SV2C: variants seen among roughly 807,000 people sequenced by gnomAD.
SV2C encodes synaptic vesicle glycoprotein 2C, also known as solute carrier family 22 member B3.
A neutral mutation model predicts 79.7 loss-of-function variants in SV2C; 49 were observed. The ratio of observed to expected loss-of-function variants is 0.61; its 90% CI spans 0.49 to 0.78. The LOEUF (loss-of-function observed/expected upper bound fraction) is 0.78, where lower values mean the gene tolerates loss of function less well. Among genes scored for constraint, SV2C ranks in the 30% least tolerant of loss-of-function variants. The pLI, the probability that SV2C is intolerant of heterozygous loss-of-function variation, is 0.00. For missense variants in SV2C, 833 were observed against 912.9 expected, an observed-to-expected ratio of 0.91 and a Z score of 1.13; for synonymous variants, 334 against 333.2, an observed-to-expected ratio of 1.00 and a Z score of -0.03.
the SV2C span, among the ~76,000 whole-genome samples, chr5:75,901,804 C>T: frequency 2.0e-5 from 3 of 152,340 alleles, no homozygotes; most frequent in South Asian, 2.1e-4. Context: ...AGGTGCCCCT[C>T]CCCCAGCCTT....
chr5:76,150,761 C>T (rs1312370603), intron 2 of SV2C, among the ~76,000 whole-genome samples: 3 of 150,290 alleles, frequency 2.0e-5, no homozygotes, highest in Non-Finnish European at 4.4e-5. Context: ...CCTCAGCCTC[C>T]TGAGTAGCTG....
chr5:76,095,994 T>C (rs1747543678), intron 1 of SV2C, among the ~76,000 whole-genome samples: 1 of 152,206 alleles, frequency 6.6e-6, no homozygotes, highest in Admixed American at 6.6e-5. Context: ...TTGTGAAAAC[T>C]ATCGGTCTTA....
chr5:76,017,187 C>T, the SV2C span, among the ~76,000 whole-genome samples: 1 of 152,174 alleles, frequency 6.6e-6, no homozygotes, highest in African/African-American at 2.4e-5. Flanking sequence ...TACTTTTCTA[C>T]AGAATATGTA....
At chr5:75,999,883 G>A in the SV2C span, among the ~76,000 whole-genome samples, 215 of 152,224 alleles carry the variant, frequency 1.4e-3, 1 homozygote, top group Middle Eastern at 0.014. Context: ...TGAGTCTCAC[G>A]TGGAGGAAGA....
At chr5:76,220,119 C>A (rs902444878) in intron 4 of SV2C, among the ~76,000 whole-genome samples, 2 of 152,176 alleles carry the variant, frequency 1.3e-5, no homozygotes, top group East Asian at 1.9e-4. Context: ...GCCCACAGAC[C>A]TCTTCCCAAA....
chr5:76,077,273 G>A, the SV2C span, among the ~76,000 whole-genome samples: 1 of 151,990 alleles, frequency 6.6e-6, no homozygotes, highest in African/African-American at 2.4e-5. Context: ...ATAGCATAAC[G>A]GGAACGAAAT....
In SV2C at chr5:76,325,352, T is replaced by C; in HGVS notation, c.2001-12T>C. The C allele has an allele frequency of 6.2e-7, 1 of 1,613,834 alleles. No homozygotes were observed. The highest frequency in any genetic ancestry group is 8.5e-7 in the Non-Finnish European group (1 of 1,179,834). ...ATTTTCTCAACCTTGTTCATGTCTC[T>C]TTCCTTTGCAGGGCAACAGGCTTTG... is the stretch of plus-strand genomic sequence containing the variant. On this transcript the variant is annotated splice_polypyrimidine_tract_variant and intron_variant, in intron 12 of 12. Coordinates refer to ENST00000502798, the MANE Select transcript of SV2C (RefSeq NM_014979.4).
At chr5:76,170,607 C>CA (rs1222240845) in intron 2 of SV2C, among the ~76,000 whole-genome samples, 1 of 141,316 alleles carries the variant, frequency 7.1e-6, no homozygotes, top group Admixed American at 7.1e-5. Context: ...CCTATGTAAA[C>CA]AAAAAAAGGA....
the SV2C span, chr5:75,910,965 C>T: frequency 1.4e-5 from 13 of 911,938 alleles, no homozygotes; most frequent in Middle Eastern, 6.7e-4. Context: ...GTCATTTATC[C>T]CCCAGTTCGA....
At chr5:76,321,804 A>G (rs1748838712) in intron 12 of SV2C, among the ~76,000 whole-genome samples, 1 of 152,114 alleles carries the variant, frequency 6.6e-6, no homozygotes, top group Non-Finnish European at 1.5e-5. Context: ...CATGTGTACT[A>G]AAGATAATAA....
At position 76,132,042 on chromosome 5, in the gene SV2C, A is replaced by C. The variant is rs1748911878; in HGVS notation, c.292A>C (p.Ser98Arg). ...TGAGGGGGAGTATCAGGGCATCCCC[A>C]GTATGAACCAAGCGAAGGACAGCAT... ...IYEGEYQGIPSMNQAKDSIVS... is the reference protein window; with the variant it reads ...IYEGEYQGIPRMNQAKDSIVS... The change falls in exon 2 of 13, where the codon AGT becomes CGT. Residue 98 changes from serine to arginine, a missense_variant. By Grantham distance (110) the Ser-to-Arg change is moderately radical. Coordinates refer to ENST00000502798, the MANE Select transcript of SV2C (RefSeq NM_014979.4). The C allele has an allele frequency of 6.2e-7, 1 of 1,612,086 alleles. No homozygotes were observed. Among genetic ancestry groups the C allele is most frequent in the South Asian group, 1.1e-5 (1 of 90,758 alleles).
At chr5:76,069,493 C>T in the SV2C span, among the ~76,000 whole-genome samples, 5 of 152,180 alleles carry the variant, frequency 3.3e-5, no homozygotes, top group Middle Eastern at 3.2e-3. Flanking sequence ...AGGGCCCCTC[C>T]GCTCAGGCCT....
At chr5:76,251,154 A>G (rs183578641) in intron 4 of SV2C, among the ~76,000 whole-genome samples, 5 of 152,266 alleles carry the variant, frequency 3.3e-5, no homozygotes, top group African/African-American at 4.8e-5. Flanking sequence ...TATTCTGAGA[A>G]ACATTGTAGG....
intron 2 of SV2C, among the ~76,000 whole-genome samples, chr5:76,142,608 A>C (rs1749290835): frequency 6.6e-6 from 1 of 152,192 alleles, no homozygotes; most frequent in Non-Finnish European, 1.5e-5. Flanking sequence ...TCCTTTGCTT[A>C]TTATATGAAA....
At chr5:76,264,509 A>T (rs1746581279) in intron 4 of SV2C, among the ~76,000 whole-genome samples, 1 of 152,070 alleles carries the variant, frequency 6.6e-6, no homozygotes, top group Admixed American at 6.5e-5. Context: ...GAAGGATAAG[A>T]GGCATTCTGG....
chr5:75,982,408 A>G, the SV2C span, among the ~76,000 whole-genome samples: 5 of 152,150 alleles, frequency 3.3e-5, no homozygotes, highest in East Asian at 1.9e-4. Flanking sequence ...CAAAACCACA[A>G]TGAGATACCA....
At chr5:76,201,017 A>G (rs755899550) in intron 3 of SV2C, among the ~76,000 whole-genome samples, 1 of 152,212 alleles carries the variant, frequency 6.6e-6, no homozygotes, top group East Asian at 1.9e-4. Context: ...CTCTTAATTC[A>G]TCAAACCAAG....
chr5:75,906,397 A>T, the SV2C span, among the ~76,000 whole-genome samples: 3 of 150,740 alleles, frequency 2.0e-5, no homozygotes, highest in Non-Finnish European at 4.4e-5. Flanking sequence ...GTTGATCAAG[A>T]TGTATCCAAG....
the SV2C span, among the ~76,000 whole-genome samples, chr5:75,927,629 A>T: frequency 4.6e-5 from 7 of 152,200 alleles, no homozygotes; most frequent in African/African-American, 1.7e-4. Context: ...TAAATGGAAG[A>T]GGATAATCTC....
Sources: allele counts gnomAD v4.1 joint callset (sites outside exome capture counted in the v4.1 genomes callset), GRCh38; gene constraint gnomAD v4.1.1; transcripts MANE v1.5; gene names NCBI Gene and HGNC (gene_info 2026-07-23, HGNC 2026-07-21).